Variants in SCAPER observed in about 807,000 individuals in gnomAD.
SCAPER encodes the protein S-phase cyclin A associated protein in the ER, also known as S phase cyclin A-associated protein in the endoplasmic reticulum.
In SCAPER, 98 loss-of-function variants were observed where a neutral mutation model predicts 182.2. The observed-to-expected ratio is 0.54, with a 90% CI of 0.46 to 0.64. The LOEUF is 0.64. Among genes scored for constraint, SCAPER ranks in the 30% least tolerant of loss-of-function variants. The pLI, the probability that SCAPER is intolerant of heterozygous loss-of-function variation, is 0.00. For synonymous variants in SCAPER, 605 were observed against 564.6 expected (o/e 1.07, Z -1.01); for missense variants, 1,432 against 1,690.0 (o/e 0.85, Z 2.68).
At chr15:76,812,497 A>AAAAAG (rs61243906) in intron 5 of SCAPER, among the ~76,000 whole-genome samples, 27,127 of 120,486 alleles carry the variant, frequency 0.23, 3,428 homozygotes, top group East Asian at 0.5. Flanking sequence ...AAAAAAAAAA[A>AAAAAG]AAAGAAAGAA....
intron 17 of SCAPER, among the ~76,000 whole-genome samples, chr15:76,712,414 G>A (rs1188041888): frequency 4.6e-5 from 7 of 152,192 alleles, no homozygotes; most frequent in East Asian, 1.9e-4. Context: ...TTGACTTGGC[G>A]ATGCGGGCTC....
At chr15:76,590,331 T>C (rs908703330) in intron 22 of SCAPER, among the ~76,000 whole-genome samples, 4 of 152,206 alleles carry the variant, frequency 2.6e-5, no homozygotes, top group Admixed American at 2.6e-4. Context: ...AAGCAGCCTA[T>C]GAAAACATGG....
At chr15:76,614,510 TG>T (rs1368979750) in intron 22 of SCAPER, among the ~76,000 whole-genome samples, 2 of 152,152 alleles carry the variant, frequency 1.3e-5, no homozygotes, top group Non-Finnish European at 2.9e-5. Flanking sequence ...GTTAGAAATT[TG>T]TAACAAAAAA....
At chr15:76,876,070 A>C (rs1391293207) in intron 2 of SCAPER, among the ~76,000 whole-genome samples, 1 of 152,178 alleles carries the variant, frequency 6.6e-6, no homozygotes, top group Non-Finnish European at 1.5e-5. Flanking sequence ...CTGCTGGCCC[A>C]GGTGCTAAGC....
At chr15:76,862,390 A>C (rs777056377) in intron 3 of SCAPER, 26 bp downstream of exon 3, 2 of 1,477,438 alleles carry the variant, frequency 1.4e-6, no homozygotes, top group Non-Finnish European at 1.9e-6. Flanking sequence ...TACAACAAAA[A>C]TGAAACTAAT....
At chr15:76,680,935 T>C (rs1452361847) in intron 20 of SCAPER, among the ~76,000 whole-genome samples, 1 of 152,200 alleles carries the variant, frequency 6.6e-6, no homozygotes, top group Non-Finnish European at 1.5e-5. Context: ...AATAATACAA[T>C]TGAAGACTAC....
chr15:76,616,562 C>A (rs1156490533), intron 22 of SCAPER, among the ~76,000 whole-genome samples: 2 of 151,886 alleles, frequency 1.3e-5, no homozygotes, highest in Non-Finnish European at 1.5e-5. Flanking sequence ...AGCTACACAA[C>A]AATATGAATG....
At chr15:76,774,086 G>T (rs532196179) in intron 9 of SCAPER, among the ~76,000 whole-genome samples, 16 of 151,958 alleles carry the variant, frequency 1.1e-4, no homozygotes, top group African/African-American at 3.9e-4. Flanking sequence ...AGTAGAATAA[G>T]TTCAAATTTT....
Position 76,766,907 on chromosome 15 carries a change from T to C in SCAPER, c.1419+11A>G. 3.2e-6 allele frequency: 5 copies of C among 1,582,472 alleles called. No homozygotes were observed. The highest frequency in any genetic ancestry group is 4.3e-6 in the Non-Finnish European group (5 of 1,171,368). ...TTTTGAATAGTTATGTTAAAAAGTC[T>C]AAAAGCTCACAGAAAAATCACTGTC... On this transcript the variant is annotated intron_variant, in intron 11 of 31. Coordinates refer to ENST00000563290, the MANE Select transcript of SCAPER (RefSeq NM_020843.4).
chr15:76,799,952 C>T (rs1208499915), intron 7 of SCAPER, among the ~76,000 whole-genome samples: 3 of 151,782 alleles, frequency 2.0e-5, no homozygotes, highest in South Asian at 2.1e-4. Context: ...CATTGCTTTA[C>T]CTAACTTGTG....
rs193002765 is a variant in SCAPER, at chr15:76,595,204, A to G, written c.2712-20920T>C. ...CTAGTCTCTGATAAAACAGACCTTTAGCCAACAAAGATCAAAAGAGACAAA... is the reference window on the plus strand; with the variant it reads ...CTAGTCTCTGATAAAACAGACCTTTGGCCAACAAAGATCAAAAGAGACAAA... On this transcript the variant is annotated intron_variant, in intron 22 of 31. Transcript: ENST00000563290. 2.2e-4 allele frequency among the ~76,000 whole-genome samples: 27 copies of G among 122,080 alleles called. 8 individuals are homozygous for G. Among genetic ancestry groups the G allele is most frequent in the Admixed American group, 1.8e-3 (19 of 10,754 alleles). The allele number at this position is 122,080 out of a possible 152,430, so 80.1% of individuals were successfully genotyped here. A position where few individuals can be genotyped will look rare whatever the true frequency, so the allele number is the denominator to read the frequency against.
rs536083622 is a variant in SCAPER, at chr15:76,699,031, G to C, written c.2508+2727C>G. The stretch of plus-strand genomic sequence containing the variant: ...TTTTTATTCTTTTTGTAGCTATTTT[G>C]AATGAGACTGAGTTCTTGATTTGGG... On this transcript the variant is annotated intron_variant, in intron 20 of 31. Transcript: ENST00000563290. Among the ~76,000 whole-genome samples, 5 of 152,236 alleles carry C rather than the reference G, an allele frequency of 3.3e-5. No individual in the cohort carries two copies. In the South Asian group the frequency reaches 1.0e-3, roughly 32 times the overall value.
intron 22 of SCAPER, among the ~76,000 whole-genome samples, chr15:76,583,299 C>T (rs1156919131): frequency 1.9e-4 from 27 of 145,514 alleles, no homozygotes; most frequent in Non-Finnish European, 5.9e-5. Flanking sequence ...TGTGGTGAGT[C>T]GAGATTGAGC....
intron 21 of SCAPER, among the ~76,000 whole-genome samples, chr15:76,649,993 T>G (rs2054885899): frequency 6.6e-6 from 1 of 152,078 alleles, no homozygotes; most frequent in Non-Finnish European, 1.5e-5. Flanking sequence ...TGGAACAAAA[T>G]TAAAATGCAG....
chr15:76,626,859 A>G (rs1237954462), intron 21 of SCAPER, among the ~76,000 whole-genome samples: 2 of 152,240 alleles, frequency 1.3e-5, no homozygotes, highest in African/African-American at 4.8e-5. Context: ...TACAAAGGAA[A>G]TGGCATTATT....
intron 17 of SCAPER, among the ~76,000 whole-genome samples, chr15:76,724,956 C>G (rs2150995190): frequency 6.6e-6 from 1 of 152,258 alleles, no homozygotes; most frequent in South Asian, 2.1e-4. Flanking sequence ...CAGCTTTGTT[C>G]TGTTGCTGGT....
At chr15:76,544,061 C>G (rs1415783741) in intron 23 of SCAPER, among the ~76,000 whole-genome samples, 2 of 151,872 alleles carry the variant, frequency 1.3e-5, no homozygotes, top group African/African-American at 4.8e-5. Flanking sequence ...ACATAAATGG[C>G]TGAAATGTAT....
At chr15:76,886,952 A>C (rs1249457639) in intron 1 of SCAPER, among the ~76,000 whole-genome samples, 4 of 152,190 alleles carry the variant, frequency 2.6e-5, no homozygotes, top group African/African-American at 4.8e-5. Context: ...CTAAATGATG[A>C]GAACACATGG....
chr15:76,556,603 T>C (rs1352297627), intron 23 of SCAPER, among the ~76,000 whole-genome samples: 1 of 152,140 alleles, frequency 6.6e-6, no homozygotes, highest in Non-Finnish European at 1.5e-5. Flanking sequence ...AACACCTCTA[T>C]GCACACAAAC....
Sources: gnomAD v4.1 joint callset for allele counts (sites outside exome capture counted in the v4.1 genomes callset) on GRCh38, gnomAD v4.1.1 for gene constraint, MANE v1.5 for transcripts, NCBI Gene and HGNC (gene_info 2026-07-23, HGNC 2026-07-21) for gene names.